TBC1D5: variants seen among roughly 807,000 people sequenced by gnomAD.
TBC1D5 encodes the protein TBC1 domain family member 5.
TBC1D5 carries 75 observed loss-of-function variants against 100.3 expected under a neutral mutation model. That is an observed-to-expected ratio of 0.75 (90% CI 0.62 to 0.91). The LOEUF (loss-of-function observed/expected upper bound fraction) is 0.91. Ranked by LOEUF, TBC1D5 falls within the 40% of genes least tolerant of loss-of-function variation. The pLI is 0.00. For synonymous variants in TBC1D5, 323 were observed against 325.6 expected (o/e 0.99, Z 0.09); for missense variants, 910 against 942.4 (o/e 0.97, Z 0.45).
intron 2 of TBC1D5, among the ~76,000 whole-genome samples, chr3:17,550,513 G>A (rs2096463052): frequency 6.6e-6 from 1 of 151,076 alleles, no homozygotes; most frequent in South Asian, 2.1e-4. Flanking sequence ...TTAAAACACA[G>A]GGTACACACA....
chr3:17,691,360 C>T (rs1196028314), intron 1 of TBC1D5, among the ~76,000 whole-genome samples: 3 of 152,164 alleles, frequency 2.0e-5, no homozygotes, highest in Non-Finnish European at 2.9e-5. Flanking sequence ...AATTCTCCTG[C>T]AACTGTAACC....
chr3:17,308,246 A>G (rs756114144), intron 13 of TBC1D5, 112 bp from the exon 14 acceptor site: 2 of 1,018,906 alleles, frequency 2.0e-6, no homozygotes, highest in Non-Finnish European at 2.7e-6. Flanking sequence ...AGCAAATATT[A>G]TATATCAAAA....
At chr3:17,338,343 C>A (rs1425819230) in intron 13 of TBC1D5, 2 of 152,182 alleles carry the variant, frequency 1.3e-5, no homozygotes, top group African/African-American at 2.4e-5. Context: ...GCATGGAATT[C>A]AAAACTATGA....
At chr3:17,508,405 C>T (rs73153072) in intron 3 of TBC1D5, 69 bp downstream of exon 3, 38,813 of 1,218,050 alleles carry the variant, frequency 0.032, 1,618 homozygotes, top group African/African-American at 0.18. Flanking sequence ...GTGGACACAG[C>T]TAACTGAGGG....
In TBC1D5 at chr3:17,345,475, C is replaced by T. The variant is rs575885235; in HGVS notation, c.995+26600G>A. 2.5e-3 allele frequency among the ~76,000 whole-genome samples: 385 copies of T among 152,064 alleles called. 1 individual carries two copies. Among genetic ancestry groups the T allele is most frequent in the African/African-American group, 8.9e-3 (371 of 41,468 alleles). ...GAACACTTTTACACTGTTGGTGGGACGGTAAACTAGTTCAACCATTGTGGA... is the reference window on the plus strand; with the variant it reads ...GAACACTTTTACACTGTTGGTGGGATGGTAAACTAGTTCAACCATTGTGGA... On this transcript the variant is annotated intron_variant, in intron 13 of 21. Coordinates refer to ENST00000253692, the Ensembl canonical transcript of TBC1D5.
At position 17,657,329 on chromosome 3, in the gene TBC1D5, C is replaced by CTT. The variant is rs35431642; in HGVS notation, c.-100-33418_-100-33417dup. ...TCCACCCTCAATGGACAAATTCTTT[C>CTT]TTTTTTTTTTTTTTTTTTTTGCGGG... On this transcript the variant is annotated intron_variant, in intron 1 of 21. Coordinates refer to ENST00000253692, the Ensembl canonical transcript of TBC1D5. 9.5e-4 allele frequency among the ~76,000 whole-genome samples: 102 copies of CTT among 107,038 alleles called. 1 individual carries two copies. The highest frequency in any genetic ancestry group is 3.0e-3 in the African/African-American group (89 of 29,636). The allele number at this position is 107,038 out of a possible 152,430, so 70.2% of individuals were successfully genotyped here. A position where few individuals can be genotyped will look rare whatever the true frequency, so the allele number is the denominator to read the frequency against.
At chr3:17,662,718 G>A (rs1278247589) in intron 1 of TBC1D5, among the ~76,000 whole-genome samples, 2 of 152,130 alleles carry the variant, frequency 1.3e-5, no homozygotes, top group Non-Finnish European at 2.9e-5. Context: ...GCATCTGAGT[G>A]TCCAATTAAA....
At chr3:17,605,163 A>G (rs1181428436) in intron 2 of TBC1D5, among the ~76,000 whole-genome samples, 1 of 152,174 alleles carries the variant, frequency 6.6e-6, no homozygotes, top group Non-Finnish European at 1.5e-5. Flanking sequence ...TCTCCAACTC[A>G]TACAATCACC....
At chr3:17,401,430 T>G (rs1167604649) in intron 8 of TBC1D5, among the ~76,000 whole-genome samples, 1 of 151,732 alleles carries the variant, frequency 6.6e-6, no homozygotes, top group African/African-American at 2.4e-5. Context: ...TCTTGCATTT[T>G]TGTAAGAAAA....
At chr3:17,343,025 G>A (rs925902410) in intron 13 of TBC1D5, among the ~76,000 whole-genome samples, 5 of 152,094 alleles carry the variant, frequency 3.3e-5, no homozygotes, top group Non-Finnish European at 4.4e-5. Context: ...TGGTGAGAGA[G>A]GGCATCCCTG....
chr3:17,730,229 G>A (rs1256367434), intron 1 of TBC1D5, among the ~76,000 whole-genome samples: 1 of 151,980 alleles, frequency 6.6e-6, no homozygotes, highest in Non-Finnish European at 1.5e-5. Context: ...TTAAGTTTGT[G>A]TAGCAAATTA....
At chr3:17,548,477 G>A (rs943049401) in intron 2 of TBC1D5, among the ~76,000 whole-genome samples, 2 of 151,676 alleles carry the variant, frequency 1.3e-5, no homozygotes, top group African/African-American at 2.4e-5. Context: ...AATACAGGGC[G>A]GGGGAAAAAA....
At chr3:17,676,935 A>C (rs1445095740) in intron 1 of TBC1D5, among the ~76,000 whole-genome samples, 1 of 152,220 alleles carries the variant, frequency 6.6e-6, no homozygotes, top group Non-Finnish European at 1.5e-5. Flanking sequence ...GTGCTGGGAA[A>C]ACTGGCTAGC....
At chr3:17,654,853 A>G (rs2065906823) in intron 1 of TBC1D5, among the ~76,000 whole-genome samples, 2 of 152,178 alleles carry the variant, frequency 1.3e-5, no homozygotes, top group Admixed American at 6.5e-5. Flanking sequence ...TTATTGGTCT[A>G]TTCAGAGAGT....
chr3:17,200,091 C>T (rs1353557548), intron 18 of TBC1D5, among the ~76,000 whole-genome samples: 1 of 152,114 alleles, frequency 6.6e-6, no homozygotes, highest in Non-Finnish European at 1.5e-5. Context: ...ATTCTTTTCT[C>T]TCTTTTCAAA....
intron 2 of TBC1D5, among the ~76,000 whole-genome samples, chr3:17,560,900 G>A (rs368898418): frequency 1.0e-4 from 15 of 150,378 alleles, no homozygotes; most frequent in East Asian, 7.7e-4. Flanking sequence ...CAGCCTGGGC[G>A]ACAGAGCAAG....
chr3:17,359,951 T>C (rs932834024), intron 13 of TBC1D5, among the ~76,000 whole-genome samples: 2 of 151,988 alleles, frequency 1.3e-5, no homozygotes, highest in African/African-American at 2.4e-5. Context: ...AATTCTAGGA[T>C]GTTTTACCCA....
At chr3:17,619,414 T>C (rs993823897) in intron 2 of TBC1D5, among the ~76,000 whole-genome samples, 8 of 152,144 alleles carry the variant, frequency 5.3e-5, no homozygotes, top group African/African-American at 1.9e-4. Context: ...GACTGCTACA[T>C]GAACAGGCAG....
intron 17 of TBC1D5, among the ~76,000 whole-genome samples, chr3:17,223,386 A>G (rs1339934790): frequency 6.6e-6 from 1 of 152,174 alleles, no homozygotes; most frequent in Non-Finnish European, 1.5e-5. Context: ...TATTTGCAAA[A>G]TGCTTGTCCA....
Sources: gnomAD v4.1 joint callset for allele counts (sites outside exome capture counted in the v4.1 genomes callset) on GRCh38, gnomAD v4.1.1 for gene constraint, MANE v1.5 for transcripts, NCBI Gene and HGNC (gene_info 2026-07-23, HGNC 2026-07-21) for gene names.